Variants in ULK3 observed in about 807,000 individuals in gnomAD.
ULK3 encodes the protein serine/threonine-protein kinase ULK3.
A neutral mutation model predicts 69.4 loss-of-function variants in ULK3; 54 were observed. The observed-to-expected ratio is 0.78, with a 90% CI of 0.63 to 0.98. ULK3 has a LOEUF of 0.98. Ranked by LOEUF, ULK3 falls within the 50% of genes least tolerant of loss-of-function variation. The pLI is 0.00. For missense variants in ULK3, 558 were observed against 627.7 expected, an observed-to-expected ratio of 0.89 and a Z score of 1.19; for synonymous variants, 240 against 254.5, an observed-to-expected ratio of 0.94 and a Z score of 0.54.
At position 74,841,137 on chromosome 15, in the gene ULK3, T is replaced by C. The variant is rs999173450; in HGVS notation, c.469+268A>G. Among the ~76,000 whole-genome samples, 7 of 152,154 alleles carry C rather than the reference T, an allele frequency of 4.6e-5. No individual in the cohort carries two copies. In the East Asian group the frequency reaches 1.3e-3, roughly 29 times the overall value. On this transcript the variant is annotated intron_variant, in intron 4 of 15. Coordinates refer to ENST00000440863, the MANE Select transcript of ULK3 (RefSeq NM_001099436.4). ...GCTGAACCCTGGCACTGTTCCCAGATTGACCCCTAAACCTGGACACACAGT... is the reference window on the plus strand; with the variant it reads ...GCTGAACCCTGGCACTGTTCCCAGACTGACCCCTAAACCTGGACACACAGT...
At position 74,841,479 on chromosome 15, in the gene ULK3, T is replaced by A; in HGVS notation, c.395A>T (p.Asn132Ile). The A allele has an allele frequency of 6.2e-7, 1 of 1,613,874 alleles. No homozygotes were observed. The highest frequency in any genetic ancestry group is 8.5e-7 in the Non-Finnish European group (1 of 1,179,840). Residue 132 changes from asparagine to isoleucine, a missense_variant, in exon 4 of 16, where the codon AAT (asparagine) becomes ATT (isoleucine). Physicochemically the swap from Asn to Ile is moderately radical, Grantham distance 149. Transcript: ENST00000440863. ...TGGCTTCAGATCCAGGTGAGAGATATTCCGTTCATGCAGGAATTGCAGGGC... is the reference window on the plus strand; with the variant it reads ...TGGCTTCAGATCCAGGTGAGAGATAATCCGTTCATGCAGGAATTGCAGGGC... ...ASALQFLHER[N>I]ISHLDLKPQN...
intron 9 of ULK3, 41 bp from the exon 10 acceptor site, chr15:74,838,786 G>C (rs2064128800): frequency 6.5e-7 from 1 of 1,543,816 alleles, no homozygotes; most frequent in Non-Finnish European, 8.8e-7. Flanking sequence ...TGTCTCACCA[G>C]CTACCCTTGC....
chr15:74,838,310 T>A lies in ULK3; in HGVS notation c.1202A>T (p.Asp401Val). 6.4e-7 allele frequency: 1 copy of A among 1,565,974 alleles called. No homozygotes were observed. Among genetic ancestry groups the A allele is most frequent in the African/African-American group, 1.4e-5 (1 of 73,642 alleles). Residue 401 changes from aspartate (D) to valine (V), a missense_variant, in exon 12 of 16, where the codon GAC becomes GTC. Transcript: ENST00000440863. Reference protein sequence around the residue: ...EAAGGEQDALDLYQHSLGELL... With the variant: ...EAAGGEQDALVLYQHSLGELL... ...CTCCCCCAGGCTGTGCTGGTACAGG[T>A]CCAGGGCATCCTGCTCCCCGCCGGC...
chr15:74,841,858 G>A (rs1224681492), intron 3 of ULK3, among the ~76,000 whole-genome samples: 1 of 152,184 alleles, frequency 6.6e-6, no homozygotes, highest in African/African-American at 2.4e-5. Flanking sequence ...TTCTATGTAT[G>A]GAAGCCTGAA....
In ULK3 at chr15:74,837,073, G is replaced by T; in HGVS notation, c.*155C>A. 1 of 1,041,560 alleles carries T rather than the reference G, an allele frequency of 9.6e-7. No homozygotes were observed. The highest frequency in any genetic ancestry group is 1.4e-6 in the Non-Finnish European group (1 of 736,560). 64.5% of individuals were successfully genotyped at this position (1,041,560 alleles called of 1,614,324 possible). A position where few individuals can be genotyped will look rare whatever the true frequency, so the allele number is the denominator to read the frequency against. The stretch of plus-strand genomic sequence containing the variant: ...CTGTGGGGTGCAGAGTAACCTGAGG[G>T]AGGCTGGGGACTCTGGGATATGGGG... On this transcript the variant is annotated 3_prime_UTR_variant, in exon 16 of 16. Coordinates refer to ENST00000440863, the MANE Select transcript of ULK3 (RefSeq NM_001099436.4).
In ULK3 at chr15:74,842,492, C is replaced by G. The variant is rs752483899; in HGVS notation, c.103-72G>C. 1.2e-6 allele frequency: 2 copies of G among 1,609,106 alleles called. No individual in the cohort carries two copies. Among genetic ancestry groups the G allele is most frequent in the Non-Finnish European group, 1.7e-6 (2 of 1,179,774 alleles). On this transcript the variant is annotated intron_variant, in intron 1 of 15. Transcript: ENST00000440863. The surrounding 1 kb of genome is among the most constrained non-coding windows in gnomAD (Gnocchi z 4.9). ...CCTTGTCTGACTGGAAAGGCTCTAT[C>G]TGGTTCCCTCTGTTCCCCCACCCCG...
In ULK3 at chr15:74,842,313, T is replaced by G; in HGVS notation, c.210A>C (p.Arg70=). Residue 70 remains arginine (R), a synonymous_variant, in exon 2 of 16, where the codon CGA becomes CGC. Coordinates refer to ENST00000440863, the MANE Select transcript of ULK3 (RefSeq NM_001099436.4). This position sits in a 1 kb window ranked among gnomAD's most constrained non-coding sequence, Gnocchi z 4.9. ...LTEIEILKGI[R]HPHIVQLKDF... Reference sequence around the variant, plus strand: ...CTTTCAGCTGCACAATGTGGGGATGTCGAATGCCCTTGAGGATCTCAATCT... The same window carrying G: ...CTTTCAGCTGCACAATGTGGGGATGGCGAATGCCCTTGAGGATCTCAATCT... 1.2e-6 allele frequency: 2 copies of G among 1,614,006 alleles called. No individual in the cohort carries two copies.
At position 74,842,778 on chromosome 15, in the gene ULK3, C is replaced by T; in HGVS notation, c.102+226G>A. 1 of 1,481,518 alleles carries T rather than the reference C, an allele frequency of 6.7e-7. No individual in the cohort carries two copies. The highest frequency in any genetic ancestry group is 1.3e-5 in the South Asian group (1 of 75,916). 91.8% of individuals were successfully genotyped at this position (1,481,518 alleles called of 1,614,324 possible). A position where few individuals can be genotyped will look rare whatever the true frequency, so the allele number is the denominator to read the frequency against. ...GACTCCTCCCAGCCCACCAGGTAACCTGTTTTGAGCCTGTTCTTCAGCCAC... is the reference window on the plus strand; with the variant it reads ...GACTCCTCCCAGCCCACCAGGTAACTTGTTTTGAGCCTGTTCTTCAGCCAC... On this transcript the variant is annotated intron_variant, in intron 1 of 15. Coordinates refer to ENST00000440863, the MANE Select transcript of ULK3 (RefSeq NM_001099436.4). This position sits in a 1 kb window ranked among gnomAD's most constrained non-coding sequence, Gnocchi z 4.9.
chr15:74,838,045 C>G, intron 13 of ULK3, 107 bp downstream of exon 13: 1 of 1,476,868 alleles, frequency 6.8e-7, no homozygotes, highest in Admixed American at 2.1e-5. Context: ...AGACTTGGAA[C>G]ACCCTGACAG....
Position 74,840,532 on chromosome 15 carries a change from G to A in ULK3, c.579C>T (p.Arg193=), listed in dbSNP as rs758280514. Residue 193 remains arginine (R), a synonymous_variant, in exon 5 of 16, where the codon CGC becomes CGT. Transcript: ENST00000440863. ...TGACCCCCATGGACCAGAGGTCCAC[G>A]CGGGCGTCATACTGCCGCTGGCACA... ...EMVCQRQYDA[R]VDLWSMGVIL... The A allele has an allele frequency of 1.2e-5, 19 of 1,610,228 alleles. No homozygotes were observed. In the East Asian group the frequency reaches 2.0e-4, roughly 17 times the overall value.
intron 9 of ULK3, 83 bp from the exon 10 acceptor site, chr15:74,838,828 T>G: frequency 7.0e-7 from 1 of 1,427,680 alleles, no homozygotes; most frequent in Non-Finnish European, 9.6e-7. Flanking sequence ...CCCTTTGCAT[T>G]GTTAGTGACT....
At chr15:74,837,879 G>A (rs913893092) in intron 13 of ULK3, 81 bp from the exon 14 acceptor site, 1 of 1,398,892 alleles carries the variant, frequency 7.1e-7, no homozygotes, top group Admixed American at 2.0e-5. Context: ...CCTCACCCCT[G>A]ATGCTCTCCA....
chr15:74,838,077 C>A, intron 13 of ULK3, 75 bp downstream of exon 13: 1 of 1,530,702 alleles, frequency 6.5e-7, no homozygotes, highest in South Asian at 1.2e-5. Flanking sequence ...AGAGGGAACC[C>A]AAAGAGGTCC....
At chr15:74,837,577 C>T (rs1035868603) in intron 14 of ULK3, 142 bp from the exon 15 acceptor site, 2 of 773,330 alleles carry the variant, frequency 2.6e-6, no homozygotes, top group South Asian at 2.4e-5. Flanking sequence ...GACGGGGACA[C>T]GAGCCACAGC....
chr15:74,840,346 G>A, intron 5 of ULK3, 30 bp from the exon 6 acceptor site: 1 of 1,595,340 alleles, frequency 6.3e-7, no homozygotes, highest in Non-Finnish European at 8.5e-7. Context: ...CGGAGGCTGG[G>A]AGGGAATGGG....
Position 74,839,686 on chromosome 15 carries a change from C to G in ULK3, c.724G>C (p.Asp242His). 6.4e-7 allele frequency: 1 copy of G among 1,552,792 alleles called. No individual in the cohort carries two copies. Among genetic ancestry groups the G allele is most frequent in the East Asian group, 2.4e-5 (1 of 41,818 alleles). ...ELPLRPLLSR[D>H]CRDLLQRLLE... ...AGCCGCTGCAGTAGGTCCCGGCAGT[C>G]TCGGGAGAGCAGGGGCCGCAAGGGG... is the stretch of plus-strand genomic sequence containing the variant. Residue 242 changes from aspartate to histidine, a missense_variant, in exon 7 of 16, where the codon GAC (aspartate) becomes CAC (histidine). Physicochemically the swap from Asp to His is moderately conservative, Grantham distance 81. Transcript: ENST00000440863.
Position 74,838,267 on chromosome 15 carries a change from T to A in ULK3, c.1245A>T (p.Ala415=). 1 of 1,561,366 alleles carries A rather than the reference T, an allele frequency of 6.4e-7. No homozygotes were observed. Among genetic ancestry groups the A allele is most frequent in the African/African-American group, 1.4e-5 (1 of 73,614 alleles). ...GGGGGCATAAATGGGGGCCCTCACC[T>A]GCCAGCAACAGCAGTAGCTCCCCCA... ...HSLGELLLLL[A]AEPPGRRREL... Residue 415 remains alanine, a splice_region_variant and synonymous_variant, in exon 12 of 16, where the codon GCA becomes GCT. Coordinates refer to ENST00000440863, the MANE Select transcript of ULK3 (RefSeq NM_001099436.4).
At chr15:74,839,514 T>A (rs1376936032) in intron 7 of ULK3, 44 bp downstream of exon 7, 1 of 1,542,980 alleles carries the variant, frequency 6.5e-7, no homozygotes, top group East Asian at 2.4e-5. Context: ...CAAGGAGACC[T>A]CCAGCCCACC....
In ULK3 at chr15:74,842,655, C is replaced by G. The variant is rs928479667; in HGVS notation, c.103-235G>C. Reference sequence around the variant, plus strand: ...CTGGTCTTCTCCAACCCTCGGCTAGCTGATCCATTTCTTTGCATTCTGGAG... The same window carrying G: ...CTGGTCTTCTCCAACCCTCGGCTAGGTGATCCATTTCTTTGCATTCTGGAG... On this transcript the variant is annotated intron_variant, in intron 1 of 15. Transcript: ENST00000440863. The surrounding 1 kb of genome is among the most constrained non-coding windows in gnomAD (Gnocchi z 4.9). 1 of 1,535,990 alleles carries G rather than the reference C, an allele frequency of 6.5e-7. No individual in the cohort carries two copies. The highest frequency in any genetic ancestry group is 1.4e-5 in the African/African-American group (1 of 73,058).
Sources: allele counts gnomAD v4.1 joint callset (sites outside exome capture counted in the v4.1 genomes callset), GRCh38; gene constraint gnomAD v4.1.1; non-coding constraint Gnocchi (gnomAD v3.1); transcripts MANE v1.5; gene names NCBI Gene and HGNC (gene_info 2026-07-23, HGNC 2026-07-21).